The following MAN1A1 variants were observed in gnomAD, a reference collection of about 807,000 sequenced individuals.
The protein encoded by MAN1A1 is mannosyl-oligosaccharide 1,2-alpha-mannosidase IA.
MAN1A1 carries 29 observed loss-of-function variants against 70.8 expected under a neutral mutation model. That is an observed-to-expected ratio of 0.41 (90% CI 0.31 to 0.56). The LOEUF (loss-of-function observed/expected upper bound fraction) is 0.56. MAN1A1 is among the 20% of genes least tolerant of loss of function. MAN1A1 has a pLI of 0.29. For synonymous variants in MAN1A1, 349 were observed against 330.1 expected (o/e 1.06, Z -0.62); for missense variants, 747 against 841.3 (o/e 0.89, Z 1.39).
At chr6:119,312,188 T>C (rs959681467) in intron 2 of MAN1A1, among the ~76,000 whole-genome samples, 2 of 152,150 alleles carry the variant, frequency 1.3e-5, no homozygotes, top group Non-Finnish European at 2.9e-5. Flanking sequence ...AACTCACTGA[T>C]TGTTAAACCT....
intron 2 of MAN1A1, among the ~76,000 whole-genome samples, chr6:119,317,666 T>C (rs781574137): frequency 6.6e-6 from 1 of 152,198 alleles, no homozygotes; most frequent in South Asian, 2.1e-4. Flanking sequence ...AGGAACATCT[T>C]TGTTGCTTCC....
In MAN1A1 at chr6:119,348,835, G is replaced by T; in HGVS notation, c.231C>A (p.Ser77Arg). The T allele has an allele frequency of 6.7e-7, 1 of 1,493,914 alleles. No homozygotes were observed. The highest frequency in any genetic ancestry group is 8.9e-7 in the Non-Finnish European group (1 of 1,120,986). 92.5% of individuals were successfully genotyped at this position (1,493,914 alleles called of 1,614,324 possible). Residue 77 changes from serine to arginine, a missense_variant, in exon 2 of 13, where the codon AGC (serine) becomes AGA (arginine). Ser to Arg is a moderately radical substitution (Grantham distance 110, BLOSUM62 -1). Coordinates refer to ENST00000368468, the MANE Select transcript of MAN1A1 (RefSeq NM_005907.4). ...KLLSGVLFHS[S>R]PALQPAADHK... ...GGTCGGCGGCCGGCTGCAAGGCGGG[G>T]CTGGAGTGGAACAGGACCCCGCTGA...
intron 6 of MAN1A1, among the ~76,000 whole-genome samples, chr6:119,247,984 T>G (rs1236761037): frequency 3.3e-5 from 5 of 152,312 alleles, no homozygotes; most frequent in African/African-American, 7.2e-5. Flanking sequence ...GACAGTATCA[T>G]TGATGCAAAG....
intron 8 of MAN1A1, among the ~76,000 whole-genome samples, chr6:119,195,574 A>G (rs1286307857): frequency 6.6e-6 from 1 of 152,188 alleles, no homozygotes; most frequent in Admixed American, 6.5e-5. Flanking sequence ...TAATGTGGTA[A>G]CATTTTCTTC....
At chr6:119,313,484 C>T (rs1364539450) in intron 2 of MAN1A1, among the ~76,000 whole-genome samples, 2 of 151,982 alleles carry the variant, frequency 1.3e-5, no homozygotes, top group African/African-American at 2.4e-5. Flanking sequence ...TAAATGTATC[C>T]CCTTCTCTCT....
At chr6:119,322,312 T>C (rs1330844185) in intron 2 of MAN1A1, among the ~76,000 whole-genome samples, 1 of 152,202 alleles carries the variant, frequency 6.6e-6, no homozygotes, top group Non-Finnish European at 1.5e-5. Flanking sequence ...GCTTTTTTTC[T>C]TCTCCTAGGC....
chr6:119,204,758 C>A lies in MAN1A1; in HGVS notation c.1116+1G>T. 1 of 1,613,900 alleles carries A rather than the reference C, an allele frequency of 6.2e-7. No homozygotes were observed. Among genetic ancestry groups the A allele is most frequent in the Non-Finnish European group, 8.5e-7 (1 of 1,179,838 alleles). On this transcript the variant is annotated splice_donor_variant, in intron 7 of 12. Coordinates refer to ENST00000368468, the MANE Select transcript of MAN1A1 (RefSeq NM_005907.4). LOFTEE classifies it high-confidence loss of function. ...GGCCAAGGCACATTGAAGAATCTCACCTTTTCAGCAAAGATGGGGTTTCCT... is the reference window on the plus strand; with the variant it reads ...GGCCAAGGCACATTGAAGAATCTCAACTTTTCAGCAAAGATGGGGTTTCCT...
chr6:119,255,569 C>G (rs1223462354), intron 5 of MAN1A1, among the ~76,000 whole-genome samples: 2 of 152,194 alleles, frequency 1.3e-5, no homozygotes, highest in African/African-American at 4.8e-5. Flanking sequence ...AATAACTAAT[C>G]CAGCAGAAAC....
rs1775870486 is a variant in MAN1A1, at chr6:119,269,938, T to C, written c.897+20745A>G. On this transcript the variant is annotated intron_variant, in intron 5 of 12. Coordinates refer to ENST00000368468, the MANE Select transcript of MAN1A1 (RefSeq NM_005907.4). ...AGCCTCTCAAGTAGCTGTGATTACA[T>C]GCATGCTTCACTGCCCATGGCTTGA... Among the ~76,000 whole-genome samples the C allele has an allele frequency of 1.3e-5, 2 of 152,196 alleles. 1 individual carries two copies. Among genetic ancestry groups the C allele is most frequent in the South Asian group, 4.1e-4 (2 of 4,832 alleles).
At chr6:119,348,403 T>G (rs1214260237) in intron 2 of MAN1A1, 60 bp downstream of exon 2, 4 of 1,452,812 alleles carry the variant, frequency 2.8e-6, no homozygotes, top group Non-Finnish European at 3.7e-6. Flanking sequence ...TTCAAAGGCT[T>G]GCCGTTTCTC....
intron 2 of MAN1A1, among the ~76,000 whole-genome samples, chr6:119,347,723 A>C (rs1041109647): frequency 3.1e-4 from 47 of 152,194 alleles, no homozygotes; most frequent in Non-Finnish European, 7.3e-5. Context: ...TGACCTAATC[A>C]CATGTTTCAA....
intron 5 of MAN1A1, among the ~76,000 whole-genome samples, chr6:119,289,016 G>A (rs1163003976): frequency 6.6e-6 from 1 of 151,172 alleles, no homozygotes; most frequent in Non-Finnish European, 1.5e-5. Flanking sequence ...AAAGTCTTAG[G>A]CAAATTATTT....
chr6:119,221,532 G>C (rs1475430359), intron 6 of MAN1A1, among the ~76,000 whole-genome samples: 1 of 149,742 alleles, frequency 6.7e-6, no homozygotes, highest in African/African-American at 2.5e-5. Flanking sequence ...GATTGCAGTG[G>C]CACAATCTTG....
At chr6:119,216,689 A>G (rs1774214663) in intron 6 of MAN1A1, among the ~76,000 whole-genome samples, 1 of 152,204 alleles carries the variant, frequency 6.6e-6, no homozygotes, top group South Asian at 2.1e-4. Flanking sequence ...TTTTTTCTGC[A>G]ATGGCTTTTC....
intron 5 of MAN1A1, among the ~76,000 whole-genome samples, chr6:119,285,772 G>A (rs1776357272): frequency 6.6e-6 from 1 of 152,032 alleles, no homozygotes; most frequent in South Asian, 2.1e-4. Context: ...TTGGGAGGGT[G>A]CTAATGTATT....
intron 5 of MAN1A1, among the ~76,000 whole-genome samples, chr6:119,254,576 T>C (rs1775411067): frequency 6.6e-6 from 1 of 152,194 alleles, no homozygotes; most frequent in Non-Finnish European, 1.5e-5. Context: ...GTGGGGAGGA[T>C]TTTATAAAGT....
At chr6:119,191,463 T>C (rs1029146365) in intron 9 of MAN1A1, among the ~76,000 whole-genome samples, 1 of 152,082 alleles carries the variant, frequency 6.6e-6, no homozygotes, top group Admixed American at 6.6e-5. Context: ...TGTGTGGCCA[T>C]GGGAAATATA....
intron 6 of MAN1A1, among the ~76,000 whole-genome samples, chr6:119,231,545 T>C (rs1474468329): frequency 6.6e-6 from 1 of 152,098 alleles, no homozygotes; most frequent in Non-Finnish European, 1.5e-5. Context: ...CTAATACAAT[T>C]ACTGAGGAGC....
At chr6:119,221,774 C>A (rs1774368933) in intron 6 of MAN1A1, among the ~76,000 whole-genome samples, 1 of 151,986 alleles carries the variant, frequency 6.6e-6, no homozygotes, top group Admixed American at 6.6e-5. Context: ...TTTTCCAAAA[C>A]TTTATTTTTA....
Sources: allele counts gnomAD v4.1 joint callset (sites outside exome capture counted in the v4.1 genomes callset), GRCh38; gene constraint gnomAD v4.1.1; transcripts MANE v1.5; gene names NCBI Gene and HGNC (gene_info 2026-07-23, HGNC 2026-07-21).